The following PCDHGA1 variants were observed in gnomAD, a reference collection of about 807,000 sequenced individuals.
The protein encoded by PCDHGA1 is protocadherin gamma-A1.
In PCDHGA1, 32 loss-of-function variants were observed where a neutral mutation model predicts 58.0. That is an observed-to-expected ratio of 0.55 (90% CI 0.42 to 0.74). The LOEUF is 0.74. Ranked by LOEUF, PCDHGA1 falls within the 30% of genes least tolerant of loss-of-function variation. The probability of loss-of-function intolerance (pLI) is 0.00; values close to 1 mark genes in which losing one functional copy is unlikely to be tolerated. For missense variants in PCDHGA1, 1,205 were observed against 1,182.3 expected (o/e 1.02, Z -0.28); for synonymous variants, 498 against 501.1 (o/e 0.99, Z 0.08).
rs376819906 is a variant in PCDHGA1 at position 141,418,227 on chromosome 5, T to C, written c.2422-76580T>C. On this transcript the variant is annotated intron_variant, in intron 1 of 3. Transcript: ENST00000517417. ...AATATTTTTCATGTCATTGTGGTGA[T>C]TGAGGATGTTAATGACCACGCCCCT... The C allele has an allele frequency of 6.8e-6, 11 of 1,613,856 alleles. No homozygotes were observed. In the South Asian group the frequency reaches 7.7e-5, roughly 11 times the overall value.
At chr5:141,344,530 C>T in intron 1 of PCDHGA1, 1 of 1,614,008 alleles carries the variant, frequency 6.2e-7, no homozygotes, top group Non-Finnish European at 8.5e-7. Flanking sequence ...GGCATTAACT[C>T]CCTGCAGAAC....
At chr5:141,388,773 GGGGAAATTACT>G (rs1376289371) in intron 1 of PCDHGA1, 2 of 1,613,690 alleles carry the variant, frequency 1.2e-6, no homozygotes, top group African/African-American at 2.7e-5. Context: ...CTCTAACACC[GGGGAAATTACT>G]GTTTTAAATA....
At chr5:141,428,616 G>A (rs2097151212) in intron 1 of PCDHGA1, 1 of 207,844 alleles carries the variant, frequency 4.8e-6, no homozygotes, top group Admixed American at 5.3e-5. Flanking sequence ...AGAATAACAA[G>A]ATAAGCTCTA....
chr5:141,352,006 C>G (rs766760252), intron 1 of PCDHGA1: 4 of 1,610,492 alleles, frequency 2.5e-6, no homozygotes, highest in Non-Finnish European at 3.4e-6. Flanking sequence ...AGCCCGGCTA[C>G]CTGGTGACCA....
chr5:141,427,703 C>A (rs529490424), intron 1 of PCDHGA1: 2 of 957,514 alleles, frequency 2.1e-6, no homozygotes, highest in African/African-American at 1.6e-5. Flanking sequence ...CACAAGTCAG[C>A]GCCTCTGACC....
intron 1 of PCDHGA1, chr5:141,403,146 G>A (rs1400601984): frequency 1.9e-6 from 3 of 1,613,938 alleles, no homozygotes; most frequent in African/African-American, 2.7e-5. Flanking sequence ...CGCCGAGTCC[G>A]CATCGTCTCT....
intron 1 of PCDHGA1, chr5:141,417,773 T>C: frequency 6.9e-7 from 1 of 1,458,374 alleles, no homozygotes; most frequent in South Asian, 1.4e-5. Context: ...GGACTCCTCC[T>C]GTCCTGGGCC....
chr5:141,346,477 T>A, intron 1 of PCDHGA1: 1 of 1,613,658 alleles, frequency 6.2e-7, no homozygotes, highest in Non-Finnish European at 8.5e-7. Flanking sequence ...TTTATTTCTT[T>A]GATTATTAAG....
rs1223986597 is a variant in PCDHGA1, at chr5:141,417,300, A to G, written c.2422-77507A>G. The G allele has an allele frequency of 2.0e-5, 3 of 152,440 alleles. No homozygotes were observed. In the East Asian group the frequency reaches 5.8e-4, roughly 29 times the overall value. The allele number at this position is 152,440 out of a possible 1,614,324, so 9.4% of individuals were successfully genotyped here. ...AAGGAACAAGAATGACTGCCTCTGG[A>G]TGGAGGAATTGGATAGCAATGGGCC... On this transcript the variant is annotated intron_variant, in intron 1 of 3. Coordinates refer to ENST00000517417, the MANE Select transcript of PCDHGA1 (RefSeq NM_018912.3).
chr5:141,386,365 A>G (rs1014338903), intron 1 of PCDHGA1, among the ~76,000 whole-genome samples: 2 of 152,278 alleles, frequency 1.3e-5, no homozygotes. Flanking sequence ...GATTCCAGAG[A>G]CCTTTGAGTA....
Position 141,489,343 on chromosome 5 carries a change from G to A in PCDHGA1, c.2422-5464G>A, listed in dbSNP as rs377697321. On this transcript the variant is annotated intron_variant, in intron 1 of 3. Coordinates refer to ENST00000517417, the MANE Select transcript of PCDHGA1 (RefSeq NM_018912.3). This position sits in a 1 kb window ranked among gnomAD's most constrained non-coding sequence, Gnocchi z 4.5. ...GGTGTCTGGGCAGCTTCGTTACTCA[G>A]TGGTGGAGGAGTCTGAGCCGGGGAC... The A allele has an allele frequency of 5.6e-6, 9 of 1,611,264 alleles. No individual in the cohort carries two copies. Among genetic ancestry groups the A allele is most frequent in the Non-Finnish European group, 7.6e-6 (9 of 1,178,202 alleles).
intron 1 of PCDHGA1, chr5:141,361,092 C>T (rs377144808): frequency 6.2e-7 from 1 of 1,613,938 alleles, no homozygotes; most frequent in Non-Finnish European, 8.5e-7. Flanking sequence ...CTCTGAGTAT[C>T]GAAGCAAAAG....
chr5:141,434,906 C>A lies in PCDHGA1; in HGVS notation c.2422-59901C>A, dbSNP rs1044434492. ...AACAATCCAGTCCCCTTCCCTCATA[C>A]CTTATTTATGTACATATATTTTATA... On this transcript the variant is annotated intron_variant, in intron 1 of 3. Coordinates refer to ENST00000517417, the MANE Select transcript of PCDHGA1 (RefSeq NM_018912.3). Among the ~76,000 whole-genome samples the A allele has an allele frequency of 2.0e-5, 3 of 151,752 alleles. No individual in the cohort carries two copies. In the South Asian group the frequency reaches 6.2e-4, roughly 32 times the overall value.
chr5:141,368,326 T>A (rs1444418576), intron 1 of PCDHGA1, among the ~76,000 whole-genome samples: 3 of 152,122 alleles, frequency 2.0e-5, no homozygotes, highest in Non-Finnish European at 2.9e-5. Context: ...TTCAAGTATA[T>A]CTATATCTAT....
chr5:141,437,648 A>G (rs1291089695), intron 1 of PCDHGA1, among the ~76,000 whole-genome samples: 2 of 152,204 alleles, frequency 1.3e-5, no homozygotes, highest in African/African-American at 4.8e-5. Context: ...AGAAAAGCAA[A>G]CACATAGTTT....
chr5:141,383,795 G>A (rs376874310), intron 1 of PCDHGA1: 12 of 1,613,822 alleles, frequency 7.4e-6, no homozygotes, highest in East Asian at 4.5e-5. Flanking sequence ...TCGCTTACAG[G>A]AGAAATATCA....
chr5:141,387,735 T>C lies in PCDHGA1; in HGVS notation c.2421+54630T>C, dbSNP rs966437790. The C allele has an allele frequency of 1.2e-5, 16 of 1,308,452 alleles. No individual in the cohort carries two copies. In the East Asian group the frequency reaches 1.3e-4, roughly 10 times the overall value. 81.1% of individuals were successfully genotyped at this position (1,308,452 alleles called of 1,614,324 possible). ...GCTCAGACTCCCCAGCGCCAGCCTTTACACCGCTTCCTCCTCGGAAAAAGA... is the reference window on the plus strand; with the variant it reads ...GCTCAGACTCCCCAGCGCCAGCCTTCACACCGCTTCCTCCTCGGAAAAAGA... On this transcript the variant is annotated intron_variant, in intron 1 of 3. Transcript: ENST00000517417.
At position 141,351,093 on chromosome 5, in the gene PCDHGA1, T is replaced by C. The variant is rs369082751; in HGVS notation, c.2421+17988T>C. On this transcript the variant is annotated intron_variant, in intron 1 of 3. Coordinates refer to ENST00000517417, the MANE Select transcript of PCDHGA1 (RefSeq NM_018912.3). ...ATTAATGCAGAGATCACCTATGCCTTCCTCAATTCCCCAATAAGTACCAGC... is the reference window on the plus strand; with the variant it reads ...ATTAATGCAGAGATCACCTATGCCTCCCTCAATTCCCCAATAAGTACCAGC... The C allele has an allele frequency of 1.5e-5, 24 of 1,614,042 alleles. No homozygotes were observed. In the East Asian group the frequency reaches 4.7e-4, roughly 31 times the overall value.
At chr5:141,400,087 G>A (rs751908680) in intron 1 of PCDHGA1, 3 of 1,614,042 alleles carry the variant, frequency 1.9e-6, no homozygotes, top group Non-Finnish European at 2.5e-6. Flanking sequence ...CTCCGCCACC[G>A]CCACGCTGCA....
Sources: gnomAD v4.1 joint callset for allele counts (sites outside exome capture counted in the v4.1 genomes callset) on GRCh38, gnomAD v4.1.1 for gene constraint, Gnocchi (gnomAD v3.1) non-coding constraint, MANE v1.5 for transcripts, NCBI Gene and HGNC (gene_info 2026-07-23, HGNC 2026-07-21) for gene names.